Variants in TMEM45B observed in about 807,000 individuals in gnomAD.
TMEM45B encodes the protein transmembrane protein 45B.
A neutral mutation model predicts 27.3 loss-of-function variants in TMEM45B; 29 were observed. The ratio of observed to expected loss-of-function variants is 1.06; its 90% CI spans 0.79 to 1.45. The LOEUF (loss-of-function observed/expected upper bound fraction) is 1.45. Ranked by LOEUF, TMEM45B falls within the 40% of genes most tolerant of loss-of-function variation. The pLI, the probability that TMEM45B is intolerant of heterozygous loss-of-function variation, is 0.00. For missense variants in TMEM45B, 348 were observed against 343.9 expected, an observed-to-expected ratio of 1.01 and a Z score of -0.09; for synonymous variants, 143 against 134.7, an observed-to-expected ratio of 1.06 and a Z score of -0.43.
intron 1 of TMEM45B, among the ~76,000 whole-genome samples, chr11:129,850,165 A>ATGTTGT (rs55956143): frequency 2.9e-5 from 4 of 138,868 alleles, no homozygotes; most frequent in Admixed American, 7.2e-5. Flanking sequence ...TTTTTTGTTG[A>ATGTTGT]TGTTGTTGTT....
At chr11:129,829,144 CAGTAAA>C (rs1183455324) in intron 1 of TMEM45B, among the ~76,000 whole-genome samples, 1 of 152,148 alleles carries the variant, frequency 6.6e-6, no homozygotes, top group African/African-American at 2.4e-5. Context: ...AAGGTCTTAC[CAGTAAA>C]AGTGGCAAAA....
intron 1 of TMEM45B, among the ~76,000 whole-genome samples, chr11:129,825,478 T>A (rs1326709705): frequency 6.6e-6 from 1 of 151,896 alleles, no homozygotes; most frequent in Non-Finnish European, 1.5e-5. Flanking sequence ...TATGTGCATG[T>A]CTGTCTGTTC....
chr11:129,836,096 C>T (rs1422266122), intron 1 of TMEM45B, among the ~76,000 whole-genome samples: 8 of 151,500 alleles, frequency 5.3e-5, no homozygotes, highest in African/African-American at 4.9e-5. Flanking sequence ...CCAGCCTGGG[C>T]GACAAGGGTG....
At chr11:129,847,948 T>C (rs113363564) in intron 1 of TMEM45B, among the ~76,000 whole-genome samples, 20,897 of 150,876 alleles carry the variant, frequency 0.14, 169 homozygotes, top group South Asian at 0.24. Context: ...GGCTCCTCAC[T>C]TCCCAGTAGG....
intron 1 of TMEM45B, among the ~76,000 whole-genome samples, chr11:129,816,548 G>A (rs1947353527): frequency 1.3e-5 from 2 of 152,188 alleles, no homozygotes; most frequent in African/African-American, 4.8e-5. Flanking sequence ...AGGCGCAGTG[G>A]GGGAGAAATT....
In TMEM45B at chr11:129,844,491, GC is replaced by G. The variant is rs1341696648; in HGVS notation, c.-8-7982del. ...GCCTGAACCCAAACATTCAAGACCA[GC>G]CTGGGCAACATAGCGAGACGTTGTC... is the stretch of plus-strand genomic sequence containing the variant. On this transcript the variant is annotated intron_variant, in intron 1 of 5. Coordinates refer to ENST00000281441, the MANE Select transcript of TMEM45B (RefSeq NM_138788.5). 8.5e-5 allele frequency among the ~76,000 whole-genome samples: 13 copies of G among 152,238 alleles called. No individual in the cohort carries two copies. In the South Asian group the frequency reaches 2.5e-3, roughly 29 times the overall value.
intron 5 of TMEM45B, 160 bp downstream of exon 5, chr11:129,857,618 T>C: frequency 2.5e-6 from 2 of 801,052 alleles, no homozygotes; most frequent in East Asian, 2.6e-5. Context: ...ACAAGGGGAA[T>C]GAGGCTTTTC....
chr11:129,852,589 A>C lies in TMEM45B; in HGVS notation c.107A>C (p.Asn36Thr). Residue 36 changes from asparagine to threonine, a missense_variant, in exon 2 of 6, where the codon AAC (asparagine) becomes ACC (threonine). Transcript: ENST00000281441. ...PLKYFSHTRK[N>T]SPLHYYQRLE... The stretch of plus-strand genomic sequence containing the variant: ...AAGTACTTTAGCCACACGCGGAAGA[A>C]CAGCCCACTACATTACTATCAGCGT... 6.2e-7 allele frequency: 1 copy of C among 1,613,918 alleles called. No individual in the cohort carries two copies. Among genetic ancestry groups the C allele is most frequent in the Non-Finnish European group, 8.5e-7 (1 of 1,179,830 alleles).
rs145842483 is a variant in TMEM45B at position 129,825,118 on chromosome 11, CG to C, written c.-9+9224del. Among the ~76,000 whole-genome samples, 962 of 152,078 alleles carry C rather than the reference CG, an allele frequency of 6.3e-3. 15 individuals are homozygous for C. Among genetic ancestry groups the C allele is most frequent in the African/African-American group, 0.022 (929 of 41,456 alleles). ...TACACGGAAGGTGGATGACTGGCTG[CG>C]GGGTGGAAGAAGAATTCATGGACAG... On this transcript the variant is annotated intron_variant, in intron 1 of 5. Coordinates refer to ENST00000281441, the MANE Select transcript of TMEM45B (RefSeq NM_138788.5).
intron 2 of TMEM45B, among the ~76,000 whole-genome samples, chr11:129,853,789 T>C (rs1947882287): frequency 6.6e-6 from 1 of 152,126 alleles, no homozygotes; most frequent in East Asian, 1.9e-4. Flanking sequence ...TGTGTGGGAA[T>C]TCAAAAAGGG....
intron 1 of TMEM45B, among the ~76,000 whole-genome samples, chr11:129,849,986 A>G (rs1021616375): frequency 6.6e-6 from 1 of 151,908 alleles, no homozygotes; most frequent in Non-Finnish European, 1.5e-5. Flanking sequence ...TTCCTTCTAC[A>G]CATACTAACC....
chr11:129,816,557 T>C (rs1947353747), intron 1 of TMEM45B, among the ~76,000 whole-genome samples: 1 of 151,270 alleles, frequency 6.6e-6, no homozygotes, highest in African/African-American at 2.4e-5. Flanking sequence ...GGGGGAGAAA[T>C]TTGCGGGGGT....
intron 1 of TMEM45B, among the ~76,000 whole-genome samples, chr11:129,834,581 CAT>C (rs1565366311): frequency 1.3e-5 from 2 of 152,042 alleles, no homozygotes; most frequent in South Asian, 2.1e-4. Context: ...GAGGCCAAGA[CAT>C]GTGGATCACC....
intron 1 of TMEM45B, among the ~76,000 whole-genome samples, chr11:129,819,836 G>A (rs1947396991): frequency 6.6e-6 from 1 of 151,844 alleles, no homozygotes; most frequent in Admixed American, 6.6e-5. Context: ...TTACAGATGT[G>A]AGCCACCACG....
rs547958954 is a variant in TMEM45B at position 129,857,576 on chromosome 11, T to C, written c.716+118T>C. Reference sequence around the variant, plus strand: ...CCAAATTCTGTGCAAGGTACTCTCATGCAGGGAAGGTATCACTACCCTTAT... The same window carrying C: ...CCAAATTCTGTGCAAGGTACTCTCACGCAGGGAAGGTATCACTACCCTTAT... On this transcript the variant is annotated intron_variant, in intron 5 of 5. Coordinates refer to ENST00000281441, the MANE Select transcript of TMEM45B (RefSeq NM_138788.5). The C allele has an allele frequency of 8.3e-5, 98 of 1,176,708 alleles. 1 individual carries two copies. Among genetic ancestry groups the C allele is most frequent in the Middle Eastern group, 6.2e-4 (3 of 4,858 alleles). 72.9% of individuals were successfully genotyped at this position (1,176,708 alleles called of 1,614,324 possible).
intron 1 of TMEM45B, among the ~76,000 whole-genome samples, chr11:129,816,374 T>C (rs1947351295): frequency 6.6e-6 from 1 of 152,092 alleles, no homozygotes; most frequent in African/African-American, 2.4e-5. Flanking sequence ...CTCTGGGCAC[T>C]GGTACCGACT....
At chr11:129,817,497 G>T (rs2135546175) in intron 1 of TMEM45B, among the ~76,000 whole-genome samples, 1 of 152,314 alleles carries the variant, frequency 6.6e-6, no homozygotes. Context: ...ATAAGCAGAA[G>T]GTGAGGCATG....
chr11:129,819,626 G>A lies in TMEM45B; in HGVS notation c.-9+3728G>A, dbSNP rs539488760. On this transcript the variant is annotated intron_variant, in intron 1 of 5. Coordinates refer to ENST00000281441, the MANE Select transcript of TMEM45B (RefSeq NM_138788.5). ...GAGTCTCTCTCAGTGGCACAATCTC[G>A]GCTCACTGCAACCTCCGCTTCCTGG... 1.3e-4 allele frequency among the ~76,000 whole-genome samples: 19 copies of A among 150,278 alleles called. No homozygotes were observed. The East Asian group carries it at 1.4e-3, about 11-fold the overall frequency.
At chr11:129,823,388 T>G (rs968794909) in intron 1 of TMEM45B, among the ~76,000 whole-genome samples, 1 of 152,184 alleles carries the variant, frequency 6.6e-6, no homozygotes, top group African/African-American at 2.4e-5. Context: ...GCCTGCCCAT[T>G]AGACCCTGAT....
Sources: allele counts gnomAD v4.1 joint callset (sites outside exome capture counted in the v4.1 genomes callset), GRCh38; gene constraint gnomAD v4.1.1; transcripts MANE v1.5; gene names NCBI Gene and HGNC (gene_info 2026-07-23, HGNC 2026-07-21).